The following TOX variants were observed in gnomAD, a reference collection of about 807,000 sequenced individuals.
The protein encoded by TOX is thymocyte selection associated high mobility group box.
In TOX, 11 loss-of-function variants were observed where a neutral mutation model predicts 53.7. That is an observed-to-expected ratio of 0.20 (90% CI 0.13 to 0.34). The LOEUF is 0.34. Ranked by LOEUF, TOX falls within the 10% of genes least tolerant of loss-of-function variation. TOX has a pLI of 1.00. For synonymous variants in TOX, 225 were observed against 245.3 expected (o/e 0.92, Z 0.77); for missense variants, 570 against 664.6 (o/e 0.86, Z 1.56).
chr8:58,829,803 T>C (rs1309585710), intron 5 of TOX, among the ~76,000 whole-genome samples: 2 of 152,146 alleles, frequency 1.3e-5, no homozygotes, highest in Non-Finnish European at 2.9e-5. Flanking sequence ...AAATTCCACA[T>C]GCAGGTGAAG....
intron 1 of TOX, among the ~76,000 whole-genome samples, chr8:59,087,186 C>A (rs1804527327): frequency 6.6e-6 from 1 of 152,190 alleles, no homozygotes; most frequent in Admixed American, 6.5e-5. Context: ...AAAGCATCAA[C>A]AGTCGAGCAC....
At chr8:59,034,123 T>C (rs1814411744) in intron 1 of TOX, among the ~76,000 whole-genome samples, 3 of 152,312 alleles carry the variant, frequency 2.0e-5, no homozygotes, top group African/African-American at 7.2e-5. Context: ...CTTCCTGCAA[T>C]ATCGAGGAGC....
At chr8:58,909,137 C>T (rs1241828775) in intron 3 of TOX, among the ~76,000 whole-genome samples, 1 of 152,152 alleles carries the variant, frequency 6.6e-6, no homozygotes, top group Non-Finnish European at 1.5e-5. Context: ...TTGGGCCCCA[C>T]CCTGAAACAG....
At chr8:58,879,545 C>A (rs1160328142) in intron 3 of TOX, among the ~76,000 whole-genome samples, 1 of 147,784 alleles carries the variant, frequency 6.8e-6, no homozygotes, top group Non-Finnish European at 1.5e-5. Flanking sequence ...TTACGTCAAA[C>A]AAATATACTT....
chr8:59,022,137 A>G (rs1341729145), intron 1 of TOX, among the ~76,000 whole-genome samples: 3 of 152,208 alleles, frequency 2.0e-5, no homozygotes, highest in Non-Finnish European at 2.9e-5. Context: ...CCATCATGAT[A>G]TCAATTTAGA....
intron 3 of TOX, among the ~76,000 whole-genome samples, chr8:58,914,125 A>G (rs1811959474): frequency 6.6e-6 from 1 of 152,240 alleles, no homozygotes; most frequent in Admixed American, 6.5e-5. Flanking sequence ...TGTGCTGTCA[A>G]TATCAATGCC....
At chr8:59,095,717 TA>T in intron 1 of TOX, among the ~76,000 whole-genome samples, 1 of 152,216 alleles carries the variant, frequency 6.6e-6, no homozygotes, top group Non-Finnish European at 1.5e-5. Flanking sequence ...AAAATAATTT[TA>T]AAAAGATGCA....
At chr8:58,991,212 TA>T (rs1301419835) in intron 1 of TOX, among the ~76,000 whole-genome samples, 1 of 152,148 alleles carries the variant, frequency 6.6e-6, no homozygotes, top group African/African-American at 2.4e-5. Context: ...GTGGTGACGA[TA>T]AAAATAGCTC....
At chr8:59,064,560 G>C (rs1166988182) in intron 1 of TOX, among the ~76,000 whole-genome samples, 1 of 152,048 alleles carries the variant, frequency 6.6e-6, no homozygotes, top group African/African-American at 2.4e-5. Flanking sequence ...TATTAATGTA[G>C]TTTTTTTCAA....
intron 1 of TOX, among the ~76,000 whole-genome samples, chr8:59,029,882 C>A (rs1814321838): frequency 6.6e-6 from 1 of 152,158 alleles, no homozygotes; most frequent in African/African-American, 2.4e-5. Flanking sequence ...TTTCTCATGG[C>A]AGAATCCCTC....
Position 58,831,415 on chromosome 8 carries a change from C to T in TOX, c.925-4513G>A, listed in dbSNP as rs138706624. Among the ~76,000 whole-genome samples, 14 of 152,188 alleles carry T rather than the reference C, an allele frequency of 9.2e-5. No homozygotes were observed. The East Asian group carries it at 2.3e-3, about 25-fold the overall frequency. On this transcript the variant is annotated intron_variant, in intron 5 of 8. Coordinates refer to ENST00000361421, the MANE Select transcript of TOX (RefSeq NM_014729.3). ...TTACGCCTCCATTGTGTGCATTTTG[C>T]GGATCATGCACTCTATATATTACCT...
chr8:59,109,094 C>T (rs1008852794), intron 1 of TOX, among the ~76,000 whole-genome samples: 2 of 152,118 alleles, frequency 1.3e-5, no homozygotes, highest in Admixed American at 1.3e-4. Context: ...TTTAAATATC[C>T]CTTCCCATTT....
intron 2 of TOX, among the ~76,000 whole-genome samples, chr8:58,955,407 A>C (rs1428346408): frequency 1.3e-5 from 2 of 152,148 alleles, no homozygotes; most frequent in Admixed American, 1.3e-4. Context: ...GTGGGGAAGG[A>C]GGGAGGGAAT....
At chr8:59,054,154 A>G (rs430617) in intron 1 of TOX, among the ~76,000 whole-genome samples, 151,096 of 152,326 alleles carry the variant, frequency 0.99, 74,938 homozygotes, top group Middle Eastern at 1. Flanking sequence ...AAAGCTACAT[A>G]TGCATAATGC....
At chr8:58,928,325 A>G (rs1812199124) in intron 3 of TOX, among the ~76,000 whole-genome samples, 1 of 152,198 alleles carries the variant, frequency 6.6e-6, no homozygotes, top group South Asian at 2.1e-4. Flanking sequence ...ACAACCGCAC[A>G]CAAGAAAAAA....
intron 1 of TOX, among the ~76,000 whole-genome samples, chr8:59,002,523 C>T (rs1306789871): frequency 2.0e-5 from 3 of 150,756 alleles, no homozygotes; most frequent in Non-Finnish European, 4.4e-5. Context: ...ACCCGGGAGG[C>T]GGAGCTTGCA....
At chr8:58,827,081 T>C (rs1051743107) in intron 5 of TOX, among the ~76,000 whole-genome samples, 179 bp from the exon 6 acceptor site, 2 of 151,796 alleles carry the variant, frequency 1.3e-5, no homozygotes, top group Non-Finnish European at 2.9e-5. Flanking sequence ...AGTATGGCAA[T>C]AGACTAGAAA....
intron 4 of TOX, among the ~76,000 whole-genome samples, chr8:58,850,598 G>A (rs1310501684): frequency 6.6e-6 from 1 of 152,152 alleles, no homozygotes. Context: ...TTGTTGGCTT[G>A]TTTATAGAAA....
chr8:59,066,040 G>C (rs1804087735), intron 1 of TOX, among the ~76,000 whole-genome samples: 1 of 152,210 alleles, frequency 6.6e-6, no homozygotes, highest in Non-Finnish European at 1.5e-5. Flanking sequence ...CTCAGTTATG[G>C]AAGGTACACA....
Sources: gnomAD v4.1 joint callset for allele counts (sites outside exome capture counted in the v4.1 genomes callset) on GRCh38, gnomAD v4.1.1 for gene constraint, MANE v1.5 for transcripts, NCBI Gene and HGNC (gene_info 2026-07-23, HGNC 2026-07-21) for gene names.